RAD54B: variants seen among roughly 807,000 people sequenced by gnomAD.
RAD54B encodes DNA repair and recombination protein RAD54B.
RAD54B carries 78 observed loss-of-function variants against 95.8 expected under a neutral mutation model. The ratio of observed to expected loss-of-function variants is 0.81; its 90% CI spans 0.68 to 0.98. RAD54B has a LOEUF of 0.98. Among genes scored for constraint, RAD54B ranks in the 50% least tolerant of loss-of-function variants. The pLI, the probability that RAD54B is intolerant of heterozygous loss-of-function variation, is 0.00. For synonymous variants in RAD54B, 328 were observed against 354.9 expected (o/e 0.92, Z 0.85); for missense variants, 957 against 1,056.6 (o/e 0.91, Z 1.31).
rs111588613 is a variant in RAD54B at position 94,397,183 on chromosome 8, T to G, written c.1378+2231A>C. 3.8e-3 allele frequency among the ~76,000 whole-genome samples: 581 copies of G among 152,238 alleles called. 6 individuals carry two copies. The highest frequency in any genetic ancestry group is 0.013 in the African/African-American group (529 of 41,548). On this transcript the variant is annotated intron_variant, in intron 8 of 14. Coordinates refer to ENST00000336148, the MANE Select transcript of RAD54B (RefSeq NM_012415.3). ...TATGAGGAAACAAAATCAAAATTAT[T>G]TTCATTTGATTCTTAGTTATTGAGC...
chr8:94,462,042 G>A (rs1317769560), intron 2 of RAD54B, among the ~76,000 whole-genome samples: 2 of 151,870 alleles, frequency 1.3e-5, no homozygotes, highest in Non-Finnish European at 2.9e-5. Context: ...ATCGTTTCTG[G>A]TCTTGAAATT....
chr8:94,395,673 A>C (rs1419265924), intron 8 of RAD54B, among the ~76,000 whole-genome samples: 3 of 152,174 alleles, frequency 2.0e-5, no homozygotes, highest in Non-Finnish European at 2.9e-5. Context: ...CCAATGAGAC[A>C]TGAGAAGTCA....
intron 3 of RAD54B, among the ~76,000 whole-genome samples, chr8:94,412,335 T>C (rs1015428081): frequency 3.3e-5 from 5 of 151,608 alleles, no homozygotes; most frequent in South Asian, 2.1e-4. Flanking sequence ...CCAAGGAACA[T>C]GGGAATGCAG....
chr8:94,464,122 C>G (rs1812971807), intron 2 of RAD54B, among the ~76,000 whole-genome samples: 1 of 152,100 alleles, frequency 6.6e-6, no homozygotes, highest in Non-Finnish European at 1.5e-5. Flanking sequence ...TTTCCACACC[C>G]TAATCCCCAG....
intron 2 of RAD54B, among the ~76,000 whole-genome samples, chr8:94,460,121 G>A (rs1444082688): frequency 1.3e-5 from 2 of 151,282 alleles, no homozygotes; most frequent in South Asian, 2.1e-4. Flanking sequence ...TTGCGCCACT[G>A]CACTGCAGCC....
intron 10 of RAD54B, among the ~76,000 whole-genome samples, chr8:94,388,162 A>C (rs1242308389): frequency 6.6e-6 from 1 of 152,136 alleles, no homozygotes; most frequent in African/African-American, 2.4e-5. Flanking sequence ...ATGGGTTTGA[A>C]CTACGCAAGT....
In RAD54B at chr8:94,391,885, T is replaced by G. The variant is rs1340475525; in HGVS notation, c.1533A>C (p.Leu511Phe). ...EPSASEEEKE[L>F]GERRAAELTC... ...TAAGTTCAGCTGCTCTTCTTTCTCC[T>G]AACTCCTTTTCTTCCTATGGAAAAA... is the stretch of plus-strand genomic sequence containing the variant. Residue 511 changes from leucine to phenylalanine, a missense_variant, in exon 10 of 15, where the codon TTA becomes TTC. Transcript: ENST00000336148. The G allele has an allele frequency of 6.2e-7, 1 of 1,604,564 alleles. No homozygotes were observed. Among genetic ancestry groups the G allele is most frequent in the Non-Finnish European group, 8.5e-7 (1 of 1,177,090 alleles).
intron 3 of RAD54B, among the ~76,000 whole-genome samples, chr8:94,456,692 G>T (rs1022911876): frequency 6.6e-6 from 1 of 152,208 alleles, no homozygotes; most frequent in Non-Finnish European, 1.5e-5. Flanking sequence ...ATACAGATTT[G>T]TAGTTCATTT....
In RAD54B at chr8:94,447,629, C is replaced by T. The variant is rs139308791; in HGVS notation, c.304+10639G>A. Among the ~76,000 whole-genome samples, 335 of 152,246 alleles carry T rather than the reference C, an allele frequency of 2.2e-3. 1 individual carries two copies. The highest frequency in any genetic ancestry group is 7.5e-3 in the African/African-American group (311 of 41,534). On this transcript the variant is annotated intron_variant, in intron 3 of 14. Coordinates refer to ENST00000336148, the MANE Select transcript of RAD54B (RefSeq NM_012415.3). ...AGAAACTGGTAAGGATTCCTCTTCA[C>T]GATGGCAAACTAAGACTGGGATTAG...
chr8:94,414,769 G>C (rs1200629993), intron 3 of RAD54B, among the ~76,000 whole-genome samples: 1 of 152,104 alleles, frequency 6.6e-6, no homozygotes, highest in African/African-American at 2.4e-5. Flanking sequence ...ATTCACAATT[G>C]CTTCAAAGAG....
At chr8:94,389,940 C>G (rs1346379547) in intron 10 of RAD54B, among the ~76,000 whole-genome samples, 1 of 152,224 alleles carries the variant, frequency 6.6e-6, no homozygotes, top group Non-Finnish European at 1.5e-5. Flanking sequence ...CTGGTATACT[C>G]TGGGCCATCA....
At chr8:94,378,753 G>T (rs1223665049) in intron 12 of RAD54B, 119 bp from the exon 13 acceptor site, 5 of 677,176 alleles carry the variant, frequency 7.4e-6, no homozygotes, top group Non-Finnish European at 1.2e-5. Flanking sequence ...TACAGCTTCA[G>T]AAAACAAATC....
chr8:94,397,115 C>T (rs1811166175), intron 8 of RAD54B, among the ~76,000 whole-genome samples: 2 of 152,128 alleles, frequency 1.3e-5, no homozygotes, highest in Admixed American at 6.6e-5. Context: ...GAATCCTAAC[C>T]ATTTTCCAGT....
chr8:94,431,415 T>G, intron 3 of RAD54B: 3 of 983,372 alleles, frequency 3.1e-6, no homozygotes, highest in Non-Finnish European at 2.4e-6. Context: ...CTAACAATCT[T>G]TAAAGGCAAT....
At chr8:94,462,696 T>G (rs944015465) in intron 2 of RAD54B, among the ~76,000 whole-genome samples, 1 of 152,040 alleles carries the variant, frequency 6.6e-6, no homozygotes, top group Non-Finnish European at 1.5e-5. Flanking sequence ...GACGGCAGAG[T>G]TGACTGCTAA....
At position 94,432,275 on chromosome 8, in the gene RAD54B, A is replaced by T. The variant is rs1348838090; in HGVS notation, c.305-20960T>A. The stretch of plus-strand genomic sequence containing the variant: ...TCTTCTCCTGAACATACAATCCAAA[A>T]TTTTTTTGATTTTCTAAAATTATCT... On this transcript the variant is annotated intron_variant, in intron 3 of 14. Transcript: ENST00000336148. The T allele has an allele frequency of 9.7e-6, 15 of 1,550,204 alleles. No homozygotes were observed. In the East Asian group the frequency reaches 3.2e-4, roughly 33 times the overall value.
chr8:94,371,974 C>T lies in RAD54B; in HGVS notation c.*196G>A. 1.1e-6 allele frequency: 1 copy of T among 904,072 alleles called. No homozygotes were observed. Among genetic ancestry groups the T allele is most frequent in the South Asian group, 2.4e-5 (1 of 41,856 alleles). The allele number at this position is 904,072 out of a possible 1,614,324, so 56.0% of individuals were successfully genotyped here. A position where few individuals can be genotyped will look rare whatever the true frequency, so the allele number is the denominator to read the frequency against. Reference sequence around the variant, plus strand: ...ATTAACAATTATACAATGATATAAGCACATCTTTATTTTTCATTTAAACAC... The same window carrying T: ...ATTAACAATTATACAATGATATAAGTACATCTTTATTTTTCATTTAAACAC... On this transcript the variant is annotated 3_prime_UTR_variant, in exon 15 of 15. Coordinates refer to ENST00000336148, the MANE Select transcript of RAD54B (RefSeq NM_012415.3).
chr8:94,406,948 A>C (rs1186229692), intron 5 of RAD54B, among the ~76,000 whole-genome samples: 2 of 152,200 alleles, frequency 1.3e-5, no homozygotes, highest in Non-Finnish European at 2.9e-5. Context: ...AATTGCATTC[A>C]TCAGTGTGAA....
rs948880737 is a variant in RAD54B, at chr8:94,428,019, T to C, written c.305-16704A>G. 11 of 935,744 alleles carry C rather than the reference T, an allele frequency of 1.2e-5. No individual in the cohort carries two copies. The African/African-American group carries it at 2.0e-4, about 17-fold the overall frequency. 58.0% of individuals were successfully genotyped at this position (935,744 alleles called of 1,614,324 possible). Reference sequence around the variant, plus strand: ...CTATTTTAAGAAATCTGGTATTCGTTAGAAATGAGTTTCACTGACTTTTCT... The same window carrying C: ...CTATTTTAAGAAATCTGGTATTCGTCAGAAATGAGTTTCACTGACTTTTCT... On this transcript the variant is annotated intron_variant, in intron 3 of 14. Transcript: ENST00000336148.
Sources: allele counts gnomAD v4.1 joint callset (sites outside exome capture counted in the v4.1 genomes callset), GRCh38; gene constraint gnomAD v4.1.1; transcripts MANE v1.5; gene names NCBI Gene and HGNC (gene_info 2026-07-23, HGNC 2026-07-21).